The following DPP10 variants were observed in gnomAD, a reference collection of about 807,000 sequenced individuals.
DPP10 encodes the protein dipeptidyl peptidase like 10, also known as inactive dipeptidyl peptidase 10.
In DPP10, 33 loss-of-function variants were observed where a neutral mutation model predicts 120.9. That is an observed-to-expected ratio of 0.27 (90% CI 0.21 to 0.37). The LOEUF (loss-of-function observed/expected upper bound fraction) is 0.37, where lower values mean the gene tolerates loss of function less well. DPP10 is among the 10% of genes least tolerant of loss of function. The pLI is 1.00. For missense variants in DPP10, 816 were observed against 942.8 expected (o/e 0.87, Z 1.76); for synonymous variants, 337 against 326.1 (o/e 1.03, Z -0.36).
intron 10 of DPP10, among the ~76,000 whole-genome samples, chr2:115,748,268 T>G (rs890338973): frequency 1.3e-5 from 2 of 151,584 alleles, no homozygotes; most frequent in South Asian, 2.1e-4. Flanking sequence ...ATCTGGTATA[T>G]TTTTATAATC....
chr2:114,893,478 GA>G (rs1276003470), intron 1 of DPP10, among the ~76,000 whole-genome samples: 3 of 152,030 alleles, frequency 2.0e-5, no homozygotes, highest in African/African-American at 4.8e-5. Flanking sequence ...GTGGATGGGG[GA>G]AAGTTATGCT....
At chr2:114,867,657 C>T (rs1690350457) in intron 1 of DPP10, among the ~76,000 whole-genome samples, 1 of 152,230 alleles carries the variant, frequency 6.6e-6, no homozygotes, top group African/African-American at 2.4e-5. Context: ...CTGTTTGCCT[C>T]ATTATGCACC....
chr2:115,592,729 C>T (rs1470621751), intron 5 of DPP10, among the ~76,000 whole-genome samples: 11 of 151,966 alleles, frequency 7.2e-5, no homozygotes, highest in African/African-American at 2.7e-4. Context: ...GCACTCCAGC[C>T]TGGTGACAGA....
intron 1 of DPP10, among the ~76,000 whole-genome samples, chr2:114,663,660 T>G (rs796923558): frequency 0.096 from 8,758 of 90,904 alleles, 357 homozygotes; most frequent in South Asian, 0.13. Flanking sequence ...TATATATATA[T>G]ATATATATAG....
intron 3 of DPP10, among the ~76,000 whole-genome samples, chr2:115,400,067 T>A (rs1574713343): frequency 6.6e-6 from 1 of 152,064 alleles, no homozygotes; most frequent in African/African-American, 2.4e-5. Flanking sequence ...TACACACTTT[T>A]AAATGATATC....
At chr2:115,308,536 A>G (rs995763418) in intron 1 of DPP10, among the ~76,000 whole-genome samples, 2 of 152,092 alleles carry the variant, frequency 1.3e-5, no homozygotes, top group South Asian at 4.1e-4. Flanking sequence ...AGATCATTGG[A>G]GGAATGAATA....
intron 1 of DPP10, among the ~76,000 whole-genome samples, chr2:115,199,032 A>G (rs186581482): frequency 8.6e-4 from 131 of 152,278 alleles, no homozygotes; most frequent in Admixed American, 1.6e-3. Flanking sequence ...GGTAGAGGCT[A>G]ATCATGATAA....
chr2:114,486,719 A>G (rs1274406628), intron 1 of DPP10, among the ~76,000 whole-genome samples: 7 of 152,104 alleles, frequency 4.6e-5, no homozygotes, highest in African/African-American at 1.7e-4. Flanking sequence ...TATAATGTTG[A>G]AAATATTTGT....
intron 1 of DPP10, among the ~76,000 whole-genome samples, chr2:114,806,928 T>A (rs1400686812): frequency 6.6e-6 from 1 of 152,226 alleles, no homozygotes; most frequent in East Asian, 1.9e-4. Flanking sequence ...TCTCACCGTC[T>A]GCACAGCTAG....
rs564501355 is a variant in DPP10, at chr2:114,850,216, G to A, written c.60+407378G>A. ...TTTTGTGTGTGTTTATTGAAGAGAT[G>A]GGGTTCCACCATGTTGCCCAGGCTG... On this transcript the variant is annotated intron_variant, in intron 1 of 25. Transcript: ENST00000410059. 2.2e-3 allele frequency among the ~76,000 whole-genome samples: 332 copies of A among 151,942 alleles called. 1 individual carries two copies. Among genetic ancestry groups the A allele is most frequent in the African/African-American group, 5.6e-3 (232 of 41,472 alleles).
At chr2:114,777,069 T>C (rs1481984049) in intron 1 of DPP10, among the ~76,000 whole-genome samples, 1 of 152,220 alleles carries the variant, frequency 6.6e-6, no homozygotes, top group African/African-American at 2.4e-5. Context: ...ATTATTGGAC[T>C]AAAAGCAGTT....
chr2:114,876,680 C>T (rs951133766), intron 1 of DPP10, among the ~76,000 whole-genome samples: 1 of 152,088 alleles, frequency 6.6e-6, no homozygotes, highest in African/African-American at 2.4e-5. Context: ...TCAATGTCCT[C>T]ATGTAATCCA....
intron 1 of DPP10, among the ~76,000 whole-genome samples, chr2:114,933,325 C>T (rs1425767773): frequency 6.6e-6 from 1 of 152,160 alleles, no homozygotes; most frequent in African/African-American, 2.4e-5. Flanking sequence ...GCAACATCAG[C>T]CAAGATATGC....
At chr2:115,376,574 A>C (rs867755250) in intron 3 of DPP10, among the ~76,000 whole-genome samples, 1 of 150,270 alleles carries the variant, frequency 6.7e-6, no homozygotes, top group African/African-American at 2.4e-5. Context: ...ATTATACTTT[A>C]AGTTTTAGGG....
chr2:115,484,986 G>A (rs2008948), intron 3 of DPP10, among the ~76,000 whole-genome samples: 28,700 of 151,910 alleles, frequency 0.19, 3,628 homozygotes, highest in East Asian at 0.39. Context: ...CAGGAGAATC[G>A]CTTGAACCCG....
chr2:115,250,738 A>T (rs2058718126), intron 1 of DPP10, among the ~76,000 whole-genome samples: 1 of 152,136 alleles, frequency 6.6e-6, no homozygotes, highest in Non-Finnish European at 1.5e-5. Context: ...AGAGTGCTTG[A>T]GTGGTATTGA....
intron 1 of DPP10, among the ~76,000 whole-genome samples, chr2:114,599,933 T>C (rs1692231435): frequency 6.6e-6 from 1 of 151,766 alleles, no homozygotes; most frequent in South Asian, 2.1e-4. Flanking sequence ...TCTTTCTCCA[T>C]TGAATTGCTT....
At chr2:115,692,217 T>A (rs956448264) in intron 7 of DPP10, among the ~76,000 whole-genome samples, 2 of 152,036 alleles carry the variant, frequency 1.3e-5, no homozygotes, top group Non-Finnish European at 1.5e-5. Context: ...TTACAATTTT[T>A]TTTTTAGTTA....
intron 5 of DPP10, among the ~76,000 whole-genome samples, chr2:115,658,197 A>G (rs1259721526): frequency 6.6e-6 from 1 of 152,042 alleles, no homozygotes; most frequent in Non-Finnish European, 1.5e-5. Context: ...GCAACAAGCA[A>G]TCTGAAAAAG....
Sources: allele counts gnomAD v4.1 joint callset (sites outside exome capture counted in the v4.1 genomes callset), GRCh38; gene constraint gnomAD v4.1.1; transcripts MANE v1.5; gene names NCBI Gene and HGNC (gene_info 2026-07-23, HGNC 2026-07-21).